CCDC148: variants seen among roughly 807,000 people sequenced by gnomAD.
CCDC148 encodes the protein coiled-coil domain containing 148, also known as coiled-coil domain-containing protein 148.
Under a neutral mutation model 85.7 loss-of-function variants are expected in CCDC148, and 89 were observed. The observed-to-expected ratio is 1.04, with a 90% CI of 0.87 to 1.24. CCDC148 has a LOEUF of 1.24. CCDC148 is among the 50% of genes most tolerant of loss of function. CCDC148 has a pLI of 0.00. For missense variants in CCDC148, 692 were observed against 671.7 expected, an observed-to-expected ratio of 1.03 and a Z score of -0.33; for synonymous variants, 230 against 213.9, an observed-to-expected ratio of 1.08 and a Z score of -0.66.
intron 1 of CCDC148, among the ~76,000 whole-genome samples, chr2:158,366,668 T>A (rs7601440): frequency 0.18 from 26,884 of 152,128 alleles, 3,085 homozygotes; most frequent in Middle Eastern, 0.26. Context: ...TGTAGGACAC[T>A]CTGATACATA....
chr2:158,210,264 A>G (rs1686490270), intron 11 of CCDC148, among the ~76,000 whole-genome samples: 1 of 152,208 alleles, frequency 6.6e-6, no homozygotes, highest in East Asian at 1.9e-4. Flanking sequence ...AGAGCGAGCT[A>G]TCCTAAATAT....
intron 9 of CCDC148, among the ~76,000 whole-genome samples, chr2:158,301,238 T>A (rs1232984489): frequency 2.0e-5 from 3 of 152,112 alleles, no homozygotes; most frequent in Admixed American, 6.5e-5. Flanking sequence ...AACATAGTCA[T>A]GAGAGGAGCA....
chr2:158,348,050 A>G (rs913559814), intron 2 of CCDC148, among the ~76,000 whole-genome samples: 5 of 152,092 alleles, frequency 3.3e-5, no homozygotes, highest in African/African-American at 1.2e-4. Context: ...CAACCCCCAT[A>G]GAAGGGAATT....
Position 158,220,604 on chromosome 2 carries a change from T to C in CCDC148, c.1361A>G (p.Asp454Gly), listed in dbSNP as rs996065696. 11 of 1,603,722 alleles carry C rather than the reference T, an allele frequency of 6.9e-6. No homozygotes were observed. The highest frequency in any genetic ancestry group is 1.7e-4 in the Middle Eastern group (1 of 6,034). Residue 454 changes from aspartate to glycine, a missense_variant, in exon 11 of 14, where the codon GAC becomes GGC. Physicochemically the swap from Asp to Gly is moderately conservative, Grantham distance 94. Transcript: ENST00000283233. Reference protein sequence around the residue: ...KKLIAEQSLKDRERVKYRQEL... With the variant: ...KKLIAEQSLKGRERVKYRQEL... ...TTAAATTTTCTTTTACCTTTCTCTG[T>C]CTTTTAGTGACTGTTCAGCGATTAA...
At chr2:158,389,092 T>C (rs912822121) in intron 1 of CCDC148, among the ~76,000 whole-genome samples, 5 of 152,182 alleles carry the variant, frequency 3.3e-5, no homozygotes, top group African/African-American at 1.2e-4. Flanking sequence ...CAATATTGTA[T>C]GGATGGATTT....
intron 9 of CCDC148, among the ~76,000 whole-genome samples, chr2:158,294,734 G>T (rs984778940): frequency 6.8e-6 from 1 of 147,590 alleles, no homozygotes; most frequent in Non-Finnish European, 1.5e-5. Context: ...TGAGGCATGA[G>T]AATTGCTTGA....
At chr2:158,180,335 T>C (rs1684836646) in intron 11 of CCDC148, among the ~76,000 whole-genome samples, 1 of 152,220 alleles carries the variant, frequency 6.6e-6, no homozygotes, top group Non-Finnish European at 1.5e-5. Context: ...GTTGCCATTT[T>C]TTAATTCCAT....
At chr2:158,210,816 G>A (rs908976562) in intron 11 of CCDC148, among the ~76,000 whole-genome samples, 9 of 147,368 alleles carry the variant, frequency 6.1e-5, no homozygotes, top group African/African-American at 1.8e-4. Flanking sequence ...AAAATTAGCC[G>A]GGCATGGTAG....
At chr2:158,375,671 A>G (rs1684620481) in intron 1 of CCDC148, among the ~76,000 whole-genome samples, 1 of 152,054 alleles carries the variant, frequency 6.6e-6, no homozygotes, top group South Asian at 2.1e-4. Context: ...TGAGACTGTA[A>G]ATGACCATGT....
chr2:158,259,179 C>G (rs954433466), intron 9 of CCDC148, among the ~76,000 whole-genome samples: 1 of 151,824 alleles, frequency 6.6e-6, no homozygotes, highest in Non-Finnish European at 1.5e-5. Context: ...GCTGCAATTT[C>G]TGTCAGGGAA....
intron 9 of CCDC148, among the ~76,000 whole-genome samples, chr2:158,268,438 T>A (rs1331110550): frequency 1.3e-5 from 2 of 152,160 alleles, no homozygotes; most frequent in African/African-American, 2.4e-5. Flanking sequence ...ACCAAATTTT[T>A]AAAATTTTCC....
At chr2:158,231,038 A>G (rs1030214546) in intron 10 of CCDC148, among the ~76,000 whole-genome samples, 1 of 152,204 alleles carries the variant, frequency 6.6e-6, no homozygotes, top group Non-Finnish European at 1.5e-5. Flanking sequence ...TGACAAGCCC[A>G]TAAGACCTCT....
intron 7 of CCDC148, 65 bp from the exon 8 acceptor site, chr2:158,313,959 G>A: frequency 6.8e-7 from 1 of 1,477,140 alleles, no homozygotes; most frequent in Non-Finnish European, 9.2e-7. Flanking sequence ...GACTCAAACT[G>A]TTCAAGCTAC....
intron 9 of CCDC148, among the ~76,000 whole-genome samples, chr2:158,267,196 A>G (rs1038464687): frequency 2.0e-5 from 3 of 152,120 alleles, no homozygotes; most frequent in African/African-American, 7.2e-5. Context: ...TTCCACCCAC[A>G]CCAAACATCA....
chr2:158,358,444 C>T lies in CCDC148; in HGVS notation c.147+5G>A, dbSNP rs780982781. On this transcript the variant is annotated splice_donor_5th_base_variant and intron_variant, in intron 2 of 13. Coordinates refer to ENST00000283233, the MANE Select transcript of CCDC148 (RefSeq NM_138803.4). ...AGAAAAACACATACACACACAACTT[C>T]TAACCTTTAGCTTTGCAGAGGCAGA... 23 of 1,602,646 alleles carry T rather than the reference C, an allele frequency of 1.4e-5. No individual in the cohort carries two copies. Among genetic ancestry groups the T allele is most frequent in the Non-Finnish European group, 1.9e-5 (22 of 1,176,724 alleles).
intron 10 of CCDC148, 63 bp downstream of exon 10, chr2:158,250,709 A>T: frequency 6.9e-7 from 1 of 1,454,264 alleles, no homozygotes; most frequent in Non-Finnish European, 9.0e-7. Context: ...CACCAAGACC[A>T]AAAAGCTCAA....
chr2:158,173,020 G>A (rs1237505238), intron 13 of CCDC148, among the ~76,000 whole-genome samples: 5 of 152,066 alleles, frequency 3.3e-5, no homozygotes, highest in African/African-American at 1.2e-4. Flanking sequence ...GGAGCTCTTA[G>A]GCGAACTGGG....
At chr2:158,403,298 G>T (rs1685863342) in intron 1 of CCDC148, among the ~76,000 whole-genome samples, 1 of 151,900 alleles carries the variant, frequency 6.6e-6, no homozygotes, top group East Asian at 1.9e-4. Context: ...ATAAGAAAGA[G>T]ATTGAAGAAT....
intron 1 of CCDC148, among the ~76,000 whole-genome samples, chr2:158,443,659 A>C (rs1410631967): frequency 6.6e-6 from 1 of 152,274 alleles, no homozygotes; most frequent in Admixed American, 6.5e-5. Flanking sequence ...ATTTCTTTCA[A>C]AATAAAAAAA....
Sources: gnomAD v4.1 joint callset for allele counts (sites outside exome capture counted in the v4.1 genomes callset) on GRCh38, gnomAD v4.1.1 for gene constraint, MANE v1.5 for transcripts, NCBI Gene and HGNC (gene_info 2026-07-23, HGNC 2026-07-21) for gene names.